The following P4HA3 variants were observed in gnomAD, a reference collection of about 807,000 sequenced individuals.
P4HA3 encodes the protein prolyl 4-hydroxylase subunit alpha 3, also known as prolyl 4-hydroxylase subunit alpha-3.
Under a neutral mutation model 66.7 loss-of-function variants are expected in P4HA3, and 60 were observed. That is an observed-to-expected ratio of 0.90 (90% CI 0.73 to 1.12). The LOEUF is 1.12. P4HA3 is among the 50% of genes most tolerant of loss of function. P4HA3 has a pLI of 0.00. For missense variants in P4HA3, 683 were observed against 685.8 expected, an observed-to-expected ratio of 1.00 and a Z score of 0.05; for synonymous variants, 263 against 274.6, an observed-to-expected ratio of 0.96 and a Z score of 0.42.
chr11:74,298,335 G>A lies in P4HA3; in HGVS notation c.594C>T (p.Tyr198=). The A allele has an allele frequency of 6.2e-7, 1 of 1,613,866 alleles. No individual in the cohort carries two copies. Among genetic ancestry groups the A allele is most frequent in the Non-Finnish European group, 8.5e-7 (1 of 1,179,934 alleles). The part of the protein sequence containing the change: ...GKVAYDMGDY[Y]HAIPWLEEAV... ...CCTCCTCCAGCCATGGAATGGCATG[G>A]TAATAATCCCCCATGTCATAGGCCA... Residue 198 remains tyrosine (Y), a synonymous_variant, in exon 4 of 13, where the codon TAC becomes TAT. Coordinates refer to ENST00000331597, the MANE Select transcript of P4HA3 (RefSeq NM_182904.5).
intron 1 of P4HA3, among the ~76,000 whole-genome samples, chr11:74,310,111 G>A (rs1417579359): frequency 6.6e-6 from 1 of 152,172 alleles, no homozygotes; most frequent in Admixed American, 6.5e-5. Context: ...CATGATATAA[G>A]TACAATATTA....
At chr11:74,280,220 C>T (rs1226771729) in intron 7 of P4HA3, among the ~76,000 whole-genome samples, 1 of 151,952 alleles carries the variant, frequency 6.6e-6, no homozygotes, top group Non-Finnish European at 1.5e-5. Context: ...CTAGTACGAT[C>T]ATAGCTCACT....
intron 7 of P4HA3, 128 bp downstream of exon 7, chr11:74,285,681 T>C (rs1230686742): frequency 3.1e-6 from 3 of 971,222 alleles, no homozygotes; most frequent in South Asian, 1.7e-5. Context: ...TTTTATGGAA[T>C]GGTTGGCATT....
intron 11 of P4HA3, among the ~76,000 whole-genome samples, chr11:74,269,068 T>C (rs986449666): frequency 1.3e-5 from 2 of 152,202 alleles, no homozygotes; most frequent in Non-Finnish European, 2.9e-5. Context: ...ACAGGAATGA[T>C]CTCGTTTAGT....
At position 74,269,744 on chromosome 11, in the gene P4HA3, A is replaced by G. The variant is rs375015204; in HGVS notation, c.1399-24T>C. ...AGCTACAAGACCAGAGGAAGAAGCC[A>G]GAGTTAAAACTGCCACCGACTTCCC... On this transcript the variant is annotated intron_variant, in intron 10 of 12. Transcript: ENST00000331597. The G allele has an allele frequency of 3.1e-6, 5 of 1,612,858 alleles. No individual in the cohort carries two copies. The African/African-American group carries it at 6.7e-5, about 22-fold the overall frequency.
chr11:74,251,157 T>C, intron 15 of P4HA3: 1 of 1,474,788 alleles, frequency 6.8e-7, no homozygotes, highest in Non-Finnish European at 9.0e-7. Flanking sequence ...TTCCACCAGC[T>C]CTCCAACTTC....
chr11:74,277,681 A>G (rs1362745288), intron 8 of P4HA3, among the ~76,000 whole-genome samples: 3 of 152,220 alleles, frequency 2.0e-5, no homozygotes, highest in African/African-American at 7.2e-5. Flanking sequence ...ACACAGGAAA[A>G]TCTCTGCTCT....
At chr11:74,308,653 TGAGAA>T (rs1403348823) in intron 1 of P4HA3, among the ~76,000 whole-genome samples, 1 of 152,222 alleles carries the variant, frequency 6.6e-6, no homozygotes, top group African/African-American at 2.4e-5. Context: ...ATAAGTCACC[TGAGAA>T]AATAATTGAG....
chr11:74,265,106 G>C (rs1031840522), downstream of P4HA3, among the ~76,000 whole-genome samples: 1 of 152,178 alleles, frequency 6.6e-6, no homozygotes, highest in Non-Finnish European at 1.5e-5. Context: ...AATGCATGAA[G>C]CTCTTAGAAT....
intron 11 of P4HA3, among the ~76,000 whole-genome samples, chr11:74,268,899 A>G (rs1172107744): frequency 1.3e-5 from 2 of 152,188 alleles, no homozygotes; most frequent in Non-Finnish European, 2.9e-5. Flanking sequence ...TTGGTCCTCA[A>G]AGTAGACAAA....
intron 11 of P4HA3, among the ~76,000 whole-genome samples, chr11:74,269,395 C>T (rs1417842507): frequency 6.6e-6 from 1 of 152,170 alleles, no homozygotes; most frequent in East Asian, 1.9e-4. Context: ...AGGAGCTGTA[C>T]TGTGACAGGG....
chr11:74,282,142 A>AG (rs1204525830), intron 7 of P4HA3, among the ~76,000 whole-genome samples: 3 of 149,012 alleles, frequency 2.0e-5, no homozygotes, highest in African/African-American at 7.3e-5. Context: ...AAAAAAAAAA[A>AG]CAAAAAAAAA....
chr11:74,286,422 T>C (rs766070819), intron 5 of P4HA3, 31 bp from the exon 6 acceptor site: 1 of 1,499,454 alleles, frequency 6.7e-7, no homozygotes, highest in African/African-American at 1.4e-5. Context: ...GAATATAAAA[T>C]AGGGATTAAC....
chr11:74,284,826 G>A (rs1195987046), intron 7 of P4HA3, among the ~76,000 whole-genome samples: 4 of 152,062 alleles, frequency 2.6e-5, no homozygotes, highest in Non-Finnish European at 5.9e-5. Context: ...ATGCCTCAGT[G>A]GCTTGTGTTG....
At chr11:74,271,101 C>T (rs1319544009) in intron 10 of P4HA3, among the ~76,000 whole-genome samples, 1 of 152,130 alleles carries the variant, frequency 6.6e-6, no homozygotes, top group African/African-American at 2.4e-5. Context: ...AGTCAGATCC[C>T]GGTACATTTA....
chr11:74,253,361 G>A, intron 15 of P4HA3: 1 of 878,532 alleles, frequency 1.1e-6, no homozygotes, highest in Non-Finnish European at 1.8e-6. Flanking sequence ...CTCTGGTCAG[G>A]GCTGTGAAAT....
rs202032824 is a variant in P4HA3, at chr11:74,302,534, C to T, written c.402G>A (p.Glu134=). The T allele has an allele frequency of 1.2e-4, 191 of 1,614,224 alleles. No individual in the cohort carries two copies. The highest frequency in any genetic ancestry group is 8.5e-4 in the Admixed American group (51 of 60,026). The part of the protein sequence containing the change: ...EQDLPAFEDL[E]GAARALMRLQ... ...GCCGCATCAGGGCCCTTGCTGCTCC[C>T]TCAAGGTCCTCAAAGGCTGGAAGGT... is the stretch of plus-strand genomic sequence containing the variant. The change falls in exon 3 of 13, where the codon GAG becomes GAA. Residue 134 remains glutamate (E), a synonymous_variant. Transcript: ENST00000331597.
At chr11:74,252,445 T>C (rs574555859) in intron 15 of P4HA3, 2 of 455,562 alleles carry the variant, frequency 4.4e-6, no homozygotes, top group East Asian at 1.4e-4. Context: ...CATGGCCAGC[T>C]ACTAAGCAAG....
intron 1 of P4HA3, among the ~76,000 whole-genome samples, chr11:74,309,370 G>A (rs1861659750): frequency 6.6e-6 from 1 of 152,214 alleles, no homozygotes; most frequent in South Asian, 2.1e-4. Flanking sequence ...TGGAAAGACA[G>A]TGAAGGAGAC....
Sources: gnomAD v4.1 joint callset for allele counts (sites outside exome capture counted in the v4.1 genomes callset) on GRCh38, gnomAD v4.1.1 for gene constraint, MANE v1.5 for transcripts, NCBI Gene and HGNC (gene_info 2026-07-23, HGNC 2026-07-21) for gene names.